HSH2D: variants seen among roughly 807,000 people sequenced by gnomAD.
HSH2D encodes the protein hematopoietic SH2 domain containing, also known as hematopoietic SH2 domain-containing protein.
Under a neutral mutation model 21.5 loss-of-function variants are expected in HSH2D, and 16 were observed. That is an observed-to-expected ratio of 0.74 (90% CI 0.50 to 1.13). HSH2D has a LOEUF of 1.13. HSH2D is among the 50% of genes most tolerant of loss of function. The probability of loss-of-function intolerance (pLI) is 0.00; values close to 1 mark genes in which losing one functional copy is unlikely to be tolerated. For missense variants in HSH2D, 418 were observed against 441.4 expected (o/e 0.95, Z 0.47); for synonymous variants, 172 against 184.7 (o/e 0.93, Z 0.56).
At chr19:16,146,101 G>C (rs979420041) in intron 1 of HSH2D, among the ~76,000 whole-genome samples, 1 of 150,666 alleles carries the variant, frequency 6.6e-6, no homozygotes, top group Non-Finnish European at 1.5e-5. Context: ...AAAGAATTAA[G>C]GGTGAGCAAG....
chr19:16,157,161 G>T lies in HSH2D; in HGVS notation c.475-49G>T, dbSNP rs368926518. 4.3e-4 allele frequency: 619 copies of T among 1,450,216 alleles called. No homozygotes were observed. Among genetic ancestry groups the T allele is most frequent in the Non-Finnish European group, 5.1e-4 (547 of 1,078,136 alleles). The allele number at this position is 1,450,216 out of a possible 1,614,324, so 89.8% of individuals were successfully genotyped here. On this transcript the variant is annotated intron_variant, in intron 5 of 5. Coordinates refer to ENST00000613986, the MANE Select transcript of HSH2D (RefSeq NM_001382417.1). This position sits in a 1 kb window ranked among gnomAD's most constrained non-coding sequence, Gnocchi z 4.4. ...GGCTCCAATTTCTGGGACAGACATG[G>T]TGCTCTGGTGGGCAAGCTGCCCCAG...
chr19:16,140,243 C>T (rs2090990976), upstream of HSH2D, among the ~76,000 whole-genome samples: 1 of 151,954 alleles, frequency 6.6e-6, no homozygotes, highest in African/African-American at 2.4e-5. Flanking sequence ...TTTGAGGCTG[C>T]AGTGAGTTGT....
intron 1 of HSH2D, among the ~76,000 whole-genome samples, chr19:16,145,013 G>T (rs1208978919): frequency 5.4e-5 from 8 of 147,858 alleles, no homozygotes; most frequent in African/African-American, 2.0e-4. Context: ...TTTGTTGTTG[G>T]TGGTGATGGG....
chr19:16,152,456 C>T (rs926412019), intron 2 of HSH2D, 96 bp from the exon 3 acceptor site: 1 of 628,146 alleles, frequency 1.6e-6, no homozygotes. Flanking sequence ...TGAAAACTAC[C>T]AGCCTTCTCC....
rs35262744 is a variant in HSH2D, at chr19:16,155,619, C to CTTTTT, written c.474+1143_474+1147dup. The CTTTTT allele has an allele frequency of 4.4e-5, 5 of 114,176 alleles. No individual in the cohort carries two copies. In the Admixed American group the frequency reaches 4.6e-4, roughly 10 times the overall value. The allele number at this position is 114,176 out of a possible 1,614,324, so 7.1% of individuals were successfully genotyped here. ...AAAGGAGAGTGTATGCATGGGAGGA[C>CTTTTT]TTTTTTTTTTTTTTTTTTTGAGACG... is the stretch of plus-strand genomic sequence containing the variant. On this transcript the variant is annotated intron_variant, in intron 5 of 5. Coordinates refer to ENST00000613986, the MANE Select transcript of HSH2D (RefSeq NM_001382417.1).
intron 1 of HSH2D, among the ~76,000 whole-genome samples, chr19:16,134,654 C>T (rs1436347478): frequency 6.6e-6 from 1 of 152,180 alleles, no homozygotes; most frequent in Non-Finnish European, 1.5e-5. Flanking sequence ...TGACCCTGGA[C>T]TCCATCCCTG....
intron 4 of HSH2D, 94 bp downstream of exon 4, chr19:16,153,302 A>C (rs985683300): frequency 8.3e-7 from 1 of 1,202,262 alleles, no homozygotes; most frequent in Non-Finnish European, 1.1e-6. Context: ...GCTCCTCTTG[A>C]TTCTGTCACT....
intron 1 of HSH2D, among the ~76,000 whole-genome samples, chr19:16,135,847 G>A (rs762686636): frequency 5.4e-4 from 75 of 138,456 alleles, no homozygotes; most frequent in Admixed American, 9.1e-4. Flanking sequence ...CCTCCATGAG[G>A]ACAGGGACTT....
chr19:16,150,520 C>T (rs1013354502), intron 2 of HSH2D, among the ~76,000 whole-genome samples: 5 of 150,430 alleles, frequency 3.3e-5, no homozygotes, highest in African/African-American at 4.9e-5. Context: ...GGCTGAGCAA[C>T]AAGAGTAAAA....
At position 16,157,900 on chromosome 19, in the gene HSH2D, C is replaced by T. The variant is rs973798247; in HGVS notation, c.*106C>T. Reference sequence around the variant, plus strand: ...CCACACCATGGCATCCGGGGGTCTTCGGGAACCCGGGAAATGGAATAAAGA... The same window carrying T: ...CCACACCATGGCATCCGGGGGTCTTTGGGAACCCGGGAAATGGAATAAAGA... On this transcript the variant is annotated 3_prime_UTR_variant, in exon 6 of 6. Coordinates refer to ENST00000613986, the MANE Select transcript of HSH2D (RefSeq NM_001382417.1). This position sits in a 1 kb window ranked among gnomAD's most constrained non-coding sequence, Gnocchi z 4.4. 6.7e-5 allele frequency: 51 copies of T among 763,258 alleles called. No homozygotes were observed. Among genetic ancestry groups the T allele is most frequent in the East Asian group, 1.9e-4 (7 of 37,090 alleles). The allele number at this position is 763,258 out of a possible 1,614,324, so 47.3% of individuals were successfully genotyped here. A position where few individuals can be genotyped will look rare whatever the true frequency, so the allele number is the denominator to read the frequency against.
In HSH2D at chr19:16,158,401, G is replaced by A. The variant is rs1410843619; in HGVS notation, c.*607G>A. On this transcript the variant is annotated 3_prime_UTR_variant, in exon 6 of 6. Coordinates refer to ENST00000613986, the MANE Select transcript of HSH2D (RefSeq NM_001382417.1). ...ATTCAAAAATTACCCGGACGTGGTG[G>A]CGCATGCCTGTAATCCCAGCTACTT... is the stretch of plus-strand genomic sequence containing the variant. 2 of 152,218 alleles carry A rather than the reference G, an allele frequency of 1.3e-5. No homozygotes were observed. The highest frequency in any genetic ancestry group is 2.4e-5 in the African/African-American group (1 of 41,406). The allele number at this position is 152,218 out of a possible 1,614,324, so 9.4% of individuals were successfully genotyped here.
chr19:16,139,695 C>T (rs1432931971), upstream of HSH2D: 1 of 152,416 alleles, frequency 6.6e-6, no homozygotes, highest in Non-Finnish European at 1.5e-5. Context: ...CCACCTCCCC[C>T]AAGAGCCACC....
intron 1 of HSH2D, among the ~76,000 whole-genome samples, chr19:16,134,806 C>A (rs2090949738): frequency 6.6e-6 from 1 of 152,008 alleles, no homozygotes; most frequent in Non-Finnish European, 1.5e-5. Flanking sequence ...AAACTGAAAT[C>A]AGTGTCACCT....
chr19:16,140,430 C>A (rs1340823148), upstream of HSH2D, among the ~76,000 whole-genome samples: 1 of 152,152 alleles, frequency 6.6e-6, no homozygotes, highest in African/African-American at 2.4e-5. Flanking sequence ...CATGGTGAAA[C>A]CCTGTCTCTA....
Position 16,157,853 on chromosome 19 carries a change from C to A in HSH2D, c.*59C>A. ...CCAGGGGCTGCCACACTCCTGAATG[C>A]CTTAACATTTCTTCCATGGCCCCAC... On this transcript the variant is annotated 3_prime_UTR_variant, in exon 6 of 6. Coordinates refer to ENST00000613986, the MANE Select transcript of HSH2D (RefSeq NM_001382417.1). The surrounding 1 kb of genome is among the most constrained non-coding windows in gnomAD (Gnocchi z 4.4). The A allele has an allele frequency of 8.0e-7, 1 of 1,248,764 alleles. No homozygotes were observed. Among genetic ancestry groups the A allele is most frequent in the Non-Finnish European group, 1.1e-6 (1 of 916,784 alleles). 77.4% of individuals were successfully genotyped at this position (1,248,764 alleles called of 1,614,324 possible).
chr19:16,142,700 T>C (rs1055391839), upstream of HSH2D, among the ~76,000 whole-genome samples: 5 of 152,118 alleles, frequency 3.3e-5, no homozygotes, highest in African/African-American at 4.8e-5. Flanking sequence ...TGACCTCAAA[T>C]GATCTGCCCA....
chr19:16,149,346 G>A (rs1305703032), intron 2 of HSH2D, among the ~76,000 whole-genome samples: 4 of 152,120 alleles, frequency 2.6e-5, no homozygotes, highest in Non-Finnish European at 5.9e-5. Context: ...GGGATTACAG[G>A]CACATGCCAC....
At chr19:16,146,727 C>T (rs1361424777) in intron 1 of HSH2D, among the ~76,000 whole-genome samples, 1 of 152,008 alleles carries the variant, frequency 6.6e-6, no homozygotes, top group African/African-American at 2.4e-5. Context: ...CCTTTTTGAC[C>T]ACCACCGTTG....
intron 4 of HSH2D, among the ~76,000 whole-genome samples, 172 bp from the exon 5 acceptor site, chr19:16,154,227 C>A (rs897533866): frequency 1.3e-5 from 2 of 151,858 alleles, no homozygotes; most frequent in African/African-American, 4.8e-5. Flanking sequence ...GTGTCCCAAT[C>A]CCTAAGAAAT....
Sources: gnomAD v4.1 joint callset for allele counts (sites outside exome capture counted in the v4.1 genomes callset) on GRCh38, gnomAD v4.1.1 for gene constraint, Gnocchi (gnomAD v3.1) non-coding constraint, MANE v1.5 for transcripts, NCBI Gene and HGNC (gene_info 2026-07-23, HGNC 2026-07-21) for gene names.